The following SEMA3A variants were observed in gnomAD, a reference collection of about 807,000 sequenced individuals.
SEMA3A encodes the protein semaphorin 3A, also known as semaphorin-3A.
A neutral mutation model predicts 97.9 loss-of-function variants in SEMA3A; 29 were observed. The ratio of observed to expected loss-of-function variants is 0.30; its 90% CI spans 0.22 to 0.40. The LOEUF is 0.40. Among genes scored for constraint, SEMA3A ranks in the 10% least tolerant of loss-of-function variants. SEMA3A has a pLI of 1.00. For synonymous variants in SEMA3A, 321 were observed against 323.7 expected (o/e 0.99, Z 0.09); for missense variants, 763 against 951.3 (o/e 0.80, Z 2.60).
intron 3 of SEMA3A, among the ~76,000 whole-genome samples, chr7:84,225,849 C>T (rs992052156): frequency 3.3e-5 from 5 of 152,064 alleles, no homozygotes; most frequent in African/African-American, 9.7e-5. Context: ...AATAAGATAA[C>T]GTGCTGTCTA....
At chr7:84,104,544 A>G (rs1795051140) in intron 4 of SEMA3A, among the ~76,000 whole-genome samples, 1 of 152,190 alleles carries the variant, frequency 6.6e-6, no homozygotes, top group Non-Finnish European at 1.5e-5. Flanking sequence ...ATTCAGGGAA[A>G]TCAAGTCAAA....
chr7:84,219,066 C>T (rs1394834493), intron 3 of SEMA3A, among the ~76,000 whole-genome samples: 1 of 152,110 alleles, frequency 6.6e-6, no homozygotes, highest in African/African-American at 2.4e-5. Flanking sequence ...TCCTTTCCCT[C>T]TGACTTCTAG....
At chr7:84,421,758 G>A (rs1584311231) in intron 1 of SEMA3A, among the ~76,000 whole-genome samples, 1 of 152,130 alleles carries the variant, frequency 6.6e-6, no homozygotes, top group East Asian at 1.9e-4. Flanking sequence ...GGCCTTTTCT[G>A]CATCTATTCA....
At chr7:84,369,173 TAGAGCC>T (rs1198346110) in intron 2 of SEMA3A, among the ~76,000 whole-genome samples, 1 of 151,040 alleles carries the variant, frequency 6.6e-6, no homozygotes, top group Non-Finnish European at 1.5e-5. Flanking sequence ...CAAACCAACT[TAGAGCC>T]AGACATTTTA....
intron 3 of SEMA3A, among the ~76,000 whole-genome samples, chr7:84,267,248 C>G (rs1562878940): frequency 6.6e-6 from 1 of 152,060 alleles, no homozygotes; most frequent in South Asian, 2.1e-4. Context: ...CACTTCTAGT[C>G]CCAAGCATTT....
At chr7:84,397,740 A>T (rs531803805) in intron 1 of SEMA3A, among the ~76,000 whole-genome samples, 1 of 152,140 alleles carries the variant, frequency 6.6e-6, no homozygotes, top group Non-Finnish European at 1.5e-5. Flanking sequence ...TTGAACACTT[A>T]ATGTGGCACC....
At chr7:84,228,191 T>A (rs547692164) in intron 3 of SEMA3A, among the ~76,000 whole-genome samples, 29 of 151,984 alleles carry the variant, frequency 1.9e-4, no homozygotes, top group Non-Finnish European at 4.1e-4. Flanking sequence ...AATGGAGGAC[T>A]AAGCAATGGG....
intron 3 of SEMA3A, among the ~76,000 whole-genome samples, chr7:84,224,017 TA>T (rs935527389): frequency 1.3e-5 from 2 of 152,018 alleles, no homozygotes; most frequent in African/African-American, 4.8e-5. Context: ...AATGTATATT[TA>T]AAAAGGGGTT....
At chr7:84,044,946 C>G (rs1460537409) in intron 6 of SEMA3A, among the ~76,000 whole-genome samples, 1 of 152,036 alleles carries the variant, frequency 6.6e-6, no homozygotes, top group Non-Finnish European at 1.5e-5. Context: ...GCCTTTGTCA[C>G]TACCACATGG....
At chr7:83,974,539 C>T (rs1404153) in intron 15 of SEMA3A, among the ~76,000 whole-genome samples, 19,668 of 152,096 alleles carry the variant, frequency 0.13, 1,495 homozygotes, top group South Asian at 0.2. Context: ...CACATGAGCA[C>T]ATATATTTTA....
intron 3 of SEMA3A, among the ~76,000 whole-genome samples, chr7:84,230,799 A>G (rs752230185): frequency 2.0e-5 from 3 of 151,918 alleles, no homozygotes; most frequent in Non-Finnish European, 4.4e-5. Flanking sequence ...TTACTCTATT[A>G]CACAATGTTT....
chr7:84,319,222 T>C (rs918253696), intron 2 of SEMA3A, among the ~76,000 whole-genome samples: 4 of 152,058 alleles, frequency 2.6e-5, no homozygotes, highest in Non-Finnish European at 4.4e-5. Context: ...CAGATCTTAA[T>C]TAGGAGGTTC....
intron 15 of SEMA3A, among the ~76,000 whole-genome samples, chr7:83,975,130 T>C (rs553545196): frequency 4.6e-5 from 7 of 152,326 alleles, no homozygotes; most frequent in Admixed American, 1.3e-4. Context: ...CATTCAATGG[T>C]TAACAATATT....
At chr7:84,446,244 T>G (rs2116353210) in intron 1 of SEMA3A, among the ~76,000 whole-genome samples, 1 of 152,320 alleles carries the variant, frequency 6.6e-6, no homozygotes, top group South Asian at 2.1e-4. Flanking sequence ...TCAGCTCTGA[T>G]ATCTTCACCA....
At chr7:84,050,619 A>G (rs1792582928) in intron 5 of SEMA3A, among the ~76,000 whole-genome samples, 1 of 152,034 alleles carries the variant, frequency 6.6e-6, no homozygotes, top group African/African-American at 2.4e-5. Context: ...GCCCTTTGTC[A>G]GATGAGTAGG....
intron 4 of SEMA3A, among the ~76,000 whole-genome samples, chr7:84,098,775 G>T (rs151042269): frequency 5.5e-4 from 83 of 152,194 alleles, no homozygotes; most frequent in African/African-American, 1.8e-3. Flanking sequence ...GATGCCATTA[G>T]AAAGGCCATT....
At chr7:84,335,802 A>G (rs1360162556) in intron 2 of SEMA3A, among the ~76,000 whole-genome samples, 2 of 152,134 alleles carry the variant, frequency 1.3e-5, no homozygotes, top group East Asian at 3.8e-4. Flanking sequence ...TAAATTTCCT[A>G]GCATTCACAT....
intron 1 of SEMA3A, among the ~76,000 whole-genome samples, chr7:84,184,802 T>C (rs1797830002): frequency 6.6e-6 from 1 of 152,086 alleles, no homozygotes; most frequent in Non-Finnish European, 1.5e-5. Context: ...CCAGAGCCAA[T>C]ATAATGAGGA....
intron 1 of SEMA3A, among the ~76,000 whole-genome samples, chr7:84,380,241 G>A (rs1160317904): frequency 1.3e-5 from 2 of 152,196 alleles, no homozygotes; most frequent in Non-Finnish European, 2.9e-5. Context: ...GATTAATGCT[G>A]TTGCTTTAAA....
Sources: gnomAD v4.1 joint callset for allele counts (sites outside exome capture counted in the v4.1 genomes callset) on GRCh38, gnomAD v4.1.1 for gene constraint, MANE v1.5 for transcripts, NCBI Gene and HGNC (gene_info 2026-07-23, HGNC 2026-07-21) for gene names.